The following TRAPPC12 variants were observed in gnomAD, a reference collection of about 807,000 sequenced individuals.
The protein encoded by TRAPPC12 is TPR repeat protein 15.
TRAPPC12 carries 61 observed loss-of-function variants against 69.2 expected under a neutral mutation model. The observed-to-expected ratio is 0.88, with a 90% CI of 0.72 to 1.09. TRAPPC12 has a LOEUF of 1.09. Among genes scored for constraint, TRAPPC12 ranks in the 50% least tolerant of loss-of-function variants. The pLI is 0.00. For synonymous variants in TRAPPC12, 469 were observed against 438.9 expected (o/e 1.07, Z -0.86); for missense variants, 1,101 against 1,016.4 (o/e 1.08, Z -1.13).
chr2:3,470,774 C>T (rs1666027250), intron 9 of TRAPPC12, among the ~76,000 whole-genome samples: 1 of 152,122 alleles, frequency 6.6e-6, no homozygotes, highest in Non-Finnish European at 1.5e-5. Flanking sequence ...AAGTATTTTC[C>T]ATTTTAATTC....
intron 5 of TRAPPC12, among the ~76,000 whole-genome samples, chr2:3,440,557 C>T (rs1664144676): frequency 6.6e-6 from 1 of 151,972 alleles, no homozygotes; most frequent in African/African-American, 2.4e-5. Context: ...TAATCACTTC[C>T]TAGTTTAGAA....
intron 5 of TRAPPC12, among the ~76,000 whole-genome samples, chr2:3,425,342 A>T (rs2103062191): frequency 6.6e-6 from 1 of 152,300 alleles, no homozygotes; most frequent in East Asian, 1.9e-4. Context: ...TCCTGGCAGG[A>T]TGTCTTGTGA....
chr2:3,381,947 C>T (rs568416441), intron 1 of TRAPPC12, among the ~76,000 whole-genome samples: 1 of 152,110 alleles, frequency 6.6e-6, no homozygotes, highest in Non-Finnish European at 1.5e-5. Flanking sequence ...TATACAGAGT[C>T]ATGCTGTTTA....
chr2:3,452,805 G>A (rs1664922897), intron 6 of TRAPPC12, among the ~76,000 whole-genome samples: 1 of 152,214 alleles, frequency 6.6e-6, no homozygotes, highest in African/African-American at 2.4e-5. Flanking sequence ...AGGGATGATG[G>A]TGAAAGAGAA....
intron 9 of TRAPPC12, among the ~76,000 whole-genome samples, chr2:3,466,815 G>A (rs967562366): frequency 1.3e-5 from 2 of 152,162 alleles, no homozygotes; most frequent in African/African-American, 4.8e-5. Context: ...ATCGGCTCCT[G>A]CCTGCACTGG....
In TRAPPC12 at chr2:3,477,749, C is replaced by T; in HGVS notation, c.1831C>T (p.Gln611Ter). The T allele has an allele frequency of 6.2e-7, 1 of 1,607,804 alleles. No homozygotes were observed. The highest frequency in any genetic ancestry group is 1.1e-5 in the South Asian group (1 of 89,776). Residue 611 changes from glutamine to a stop codon, truncating the protein, a stop_gained, in exon 10 of 12, where the codon CAG becomes TAG. Coordinates refer to ENST00000324266, the MANE Select transcript of TRAPPC12 (RefSeq NM_016030.6). LOFTEE classifies it high-confidence loss of function. ...TTTTCAAGACGTTGAGAAAGTAACA[C>T]AGAAATTAGATGGACTACAGGGTAA... Reference protein sequence around the residue: ...KYFQDVEKVTQKLDGLQGKIM... With the variant: ...KYFQDVEKVT
chr2:3,461,286 G>A (rs1015716006), intron 8 of TRAPPC12, among the ~76,000 whole-genome samples: 13 of 152,348 alleles, frequency 8.5e-5, no homozygotes, highest in Admixed American at 2.6e-4. Flanking sequence ...CTGGGTGCGG[G>A]TATAGATTCA....
intron 3 of TRAPPC12, among the ~76,000 whole-genome samples, chr2:3,409,083 G>C (rs1443482532): frequency 2.6e-5 from 4 of 152,144 alleles, no homozygotes; most frequent in Non-Finnish European, 5.9e-5. Flanking sequence ...GTCCCCTCTG[G>C]TGCCATGCCC....
chr2:3,399,614 G>A (rs1038892879), intron 2 of TRAPPC12, among the ~76,000 whole-genome samples: 6 of 152,154 alleles, frequency 3.9e-5, no homozygotes, highest in African/African-American at 1.2e-4. Context: ...CCCTTCTGCC[G>A]CAGGCTGTTG....
chr2:3,418,449 A>G (rs1662576003), intron 3 of TRAPPC12, among the ~76,000 whole-genome samples: 1 of 152,218 alleles, frequency 6.6e-6, no homozygotes, highest in Non-Finnish European at 1.5e-5. Context: ...CTTGAAGTCA[A>G]CAGAAATGAA....
intron 3 of TRAPPC12, among the ~76,000 whole-genome samples, chr2:3,411,685 T>C (rs917328009): frequency 4.8e-4 from 73 of 152,360 alleles, no homozygotes; most frequent in African/African-American, 1.7e-3. Flanking sequence ...AAAGGGTCTT[T>C]AAAAACATTT....
intron 7 of TRAPPC12, among the ~76,000 whole-genome samples, chr2:3,459,180 C>T (rs1224862495): frequency 6.6e-6 from 1 of 152,194 alleles, no homozygotes; most frequent in African/African-American, 2.4e-5. Flanking sequence ...ACACACGGCT[C>T]CCAGTGCCCA....
At chr2:3,417,068 A>G (rs537006723) in intron 3 of TRAPPC12, among the ~76,000 whole-genome samples, 1 of 152,034 alleles carries the variant, frequency 6.6e-6, no homozygotes, top group African/African-American at 2.4e-5. Context: ...CTGCATCTCC[A>G]GTGTCTTCTC....
At position 3,419,521 on chromosome 2, in the gene TRAPPC12, C is replaced by T. The variant is rs144325963; in HGVS notation, c.1165-2360C>T. 1.5e-3 allele frequency among the ~76,000 whole-genome samples: 230 copies of T among 152,160 alleles called. 3 individuals are homozygous for T. Among genetic ancestry groups the T allele is most frequent in the African/African-American group, 5.1e-3 (211 of 41,510 alleles). On this transcript the variant is annotated intron_variant, in intron 3 of 11. Transcript: ENST00000324266. ...GTCTGGACAGTTTAGGGGAACGTGG[C>T]ACCGATCTCATCTTCACCGTCGATC...
Position 3,387,860 on chromosome 2 carries a change from G to A in TRAPPC12, c.237G>A (p.Glu79=), listed in dbSNP as rs781582518. ...SVLISDSPNS[E]GDAGDLGRVR... is the part of the protein sequence containing the mutation. ...TCATCTCTGACTCCCCCAACAGCGA[G>A]GGCGACGCGGGCGACCTGGGCCGAG... Residue 79 remains glutamate (E), a synonymous_variant, in exon 2 of 12, where the codon GAG becomes GAA. Coordinates refer to ENST00000324266, the MANE Select transcript of TRAPPC12 (RefSeq NM_016030.6). 8 of 1,594,512 alleles carry A rather than the reference G, an allele frequency of 5.0e-6. No homozygotes were observed. The East Asian group carries it at 6.8e-5, about 14-fold the overall frequency.
At chr2:3,474,459 A>T (rs543624444) in intron 9 of TRAPPC12, among the ~76,000 whole-genome samples, 1 of 152,222 alleles carries the variant, frequency 6.6e-6, no homozygotes, top group Non-Finnish European at 1.5e-5. Flanking sequence ...TCACAGACAC[A>T]CCCAGGATCA....
intron 7 of TRAPPC12, chr2:3,457,992 A>G: frequency 8.0e-7 from 1 of 1,243,156 alleles, no homozygotes; most frequent in Non-Finnish European, 1.0e-6. Context: ...GGCGCGAGGA[A>G]GGAGCCCAGC....
chr2:3,408,689 TCAA>T (rs1226945491), intron 3 of TRAPPC12, among the ~76,000 whole-genome samples: 3 of 152,142 alleles, frequency 2.0e-5, no homozygotes, highest in Non-Finnish European at 2.9e-5. Context: ...AACTTTTGAC[TCAA>T]CAATCCCACT....
intron 2 of TRAPPC12, chr2:3,389,876 C>A: frequency 2.2e-6 from 1 of 450,044 alleles, no homozygotes; most frequent in South Asian, 1.6e-5. Flanking sequence ...TGGTGTCTCT[C>A]CCAGTGTGGC....
Sources: gnomAD v4.1 joint callset for allele counts (sites outside exome capture counted in the v4.1 genomes callset) on GRCh38, gnomAD v4.1.1 for gene constraint, MANE v1.5 for transcripts, NCBI Gene and HGNC (gene_info 2026-07-23, HGNC 2026-07-21) for gene names.